NPSR1: variants seen among roughly 807,000 people sequenced by gnomAD.
NPSR1 encodes neuropeptide S receptor 1, also known as neuropeptide S receptor.
A neutral mutation model predicts 46.9 loss-of-function variants in NPSR1; 48 were observed. That is an observed-to-expected ratio of 1.02 (90% CI 0.81 to 1.30). The LOEUF is 1.30. NPSR1 is among the 50% of genes most tolerant of loss of function. NPSR1 has a pLI of 0.00. For synonymous variants in NPSR1, 176 were observed against 168.1 expected (o/e 1.05, Z -0.36); for missense variants, 450 against 449.5 (o/e 1.00, Z -0.01).
chr7:34,663,444 A>G (rs1469144597), intron 1 of NPSR1, among the ~76,000 whole-genome samples: 2 of 152,118 alleles, frequency 1.3e-5, no homozygotes, highest in Non-Finnish European at 2.9e-5. Flanking sequence ...CCACATAGCC[A>G]CCTACGCTAT....
rs556027659 is a variant in NPSR1 at position 34,849,762 on chromosome 7, G to A, written c.*107G>A. 2.4e-5 allele frequency: 37 copies of A among 1,550,726 alleles called. No homozygotes were observed. Among genetic ancestry groups the A allele is most frequent in the East Asian group, 9.1e-5 (4 of 43,948 alleles). On this transcript the variant is annotated 3_prime_UTR_variant, in exon 9 of 9. Transcript: ENST00000360581. ...CCCGAGCCAACTTCACCCCACCCTCGTCATTACCTGGGAGATGCACAAGAC... is the reference window on the plus strand; with the variant it reads ...CCCGAGCCAACTTCACCCCACCCTCATCATTACCTGGGAGATGCACAAGAC...
At chr7:34,749,155 C>A (rs926535442) in intron 2 of NPSR1, among the ~76,000 whole-genome samples, 5 of 152,154 alleles carry the variant, frequency 3.3e-5, no homozygotes, top group African/African-American at 1.2e-4. Flanking sequence ...ATGACCCAAA[C>A]AAAGCTGAGC....
chr7:34,847,175 C>T (rs1438616947), intron 7 of NPSR1, among the ~76,000 whole-genome samples: 3 of 152,118 alleles, frequency 2.0e-5, no homozygotes, highest in African/African-American at 7.2e-5. Flanking sequence ...TTCCAAAATT[C>T]CCAACAAGTT....
chr7:34,717,175 C>T (rs1246011050), intron 2 of NPSR1, among the ~76,000 whole-genome samples: 1 of 152,168 alleles, frequency 6.6e-6, no homozygotes, highest in Non-Finnish European at 1.5e-5. Context: ...TCTTGTTGCC[C>T]AGGCTGCAGT....
intron 2 of NPSR1, among the ~76,000 whole-genome samples, chr7:34,759,415 G>A (rs752633713): frequency 3.9e-5 from 6 of 152,000 alleles, no homozygotes; most frequent in Non-Finnish European, 8.8e-5. Context: ...GTTATAATTT[G>A]TTGCCATAGT....
intron 2 of NPSR1, chr7:34,710,999 T>C: frequency 5.7e-6 from 2 of 353,384 alleles, no homozygotes; most frequent in Non-Finnish European, 1.1e-5. Flanking sequence ...TGACCACTTC[T>C]ATGTACCTGC....
At chr7:34,790,842 T>TC in intron 3 of NPSR1, among the ~76,000 whole-genome samples, 1 of 131,512 alleles carries the variant, frequency 7.6e-6, no homozygotes, top group East Asian at 2.1e-4. Context: ...TTATGTTATA[T>TC]ATATGTTATA....
At chr7:34,776,817 G>C (rs1308885276) in intron 2 of NPSR1, among the ~76,000 whole-genome samples, 2 of 152,162 alleles carry the variant, frequency 1.3e-5, no homozygotes, top group Non-Finnish European at 2.9e-5. Context: ...CTTCAAGGCA[G>C]TAGTTTCCCT....
intron 8 of NPSR1, among the ~76,000 whole-genome samples, chr7:34,856,168 A>G (rs555720888): frequency 3.4e-5 from 5 of 148,768 alleles, no homozygotes; most frequent in Admixed American, 2.6e-4. Context: ...AACAAGAAAA[A>G]AAAATAAGAT....
At chr7:34,805,349 G>A (rs1188933789) in intron 3 of NPSR1, among the ~76,000 whole-genome samples, 1 of 151,720 alleles carries the variant, frequency 6.6e-6, no homozygotes, top group African/African-American at 2.4e-5. Context: ...TGATGAAACA[G>A]AACAGAGAGC....
intron 8 of NPSR1, among the ~76,000 whole-genome samples, chr7:34,866,401 T>C (rs891761228): frequency 1.3e-5 from 2 of 151,700 alleles, no homozygotes; most frequent in East Asian, 3.9e-4. Context: ...ATGCAAATGA[T>C]GAGAGGATAG....
intron 4 of NPSR1, among the ~76,000 whole-genome samples, chr7:34,822,131 C>T (rs898547226): frequency 6.6e-6 from 1 of 152,144 alleles, no homozygotes; most frequent in Non-Finnish European, 1.5e-5. Context: ...TGAACTGATA[C>T]TCACAAGTTT....
At position 34,845,105 on chromosome 7, in the gene NPSR1, AG is replaced by A; in HGVS notation, c.844+125del. The A allele has an allele frequency of 4.2e-6, 3 of 722,374 alleles. No individual in the cohort carries two copies. In the East Asian group the frequency reaches 7.9e-5, roughly 19 times the overall value. 44.7% of individuals were successfully genotyped at this position (722,374 alleles called of 1,614,324 possible). On this transcript the variant is annotated intron_variant, in intron 7 of 8. Coordinates refer to ENST00000360581, the MANE Select transcript of NPSR1 (RefSeq NM_207172.2). ...CACTTCTACATCGGTCTGCTTAGAAAGGAATGTGTGAAACTCATCAGCCCAT... is the reference window on the plus strand; with the variant it reads ...CACTTCTACATCGGTCTGCTTAGAAAGAATGTGTGAAACTCATCAGCCCAT...
At chr7:34,777,975 A>T (rs996505849) in intron 2 of NPSR1, among the ~76,000 whole-genome samples, 3 of 152,186 alleles carry the variant, frequency 2.0e-5, no homozygotes, top group African/African-American at 7.2e-5. Flanking sequence ...AAAGGAGAAG[A>T]AAGCAAAGAA....
chr7:34,700,266 T>C (rs1469630086), intron 2 of NPSR1, among the ~76,000 whole-genome samples: 1 of 152,176 alleles, frequency 6.6e-6, no homozygotes, highest in Non-Finnish European at 1.5e-5. Context: ...AAGCAAGATG[T>C]TCCCAGATGA....
chr7:34,659,863 G>A (rs1200227647), intron 1 of NPSR1, among the ~76,000 whole-genome samples: 1 of 152,198 alleles, frequency 6.6e-6, no homozygotes, highest in East Asian at 1.9e-4. Context: ...AGGAAGCACA[G>A]GACTCCACTC....
intron 8 of NPSR1, among the ~76,000 whole-genome samples, chr7:34,874,752 C>T (rs1430511705): frequency 6.6e-6 from 1 of 152,014 alleles, no homozygotes; most frequent in Non-Finnish European, 1.5e-5. Context: ...GCAAACTCTC[C>T]CTGCATGAGA....
At chr7:34,703,332 C>T (rs1264816155) in intron 2 of NPSR1, among the ~76,000 whole-genome samples, 2 of 152,156 alleles carry the variant, frequency 1.3e-5, no homozygotes, top group African/African-American at 4.8e-5. Context: ...GATCGCGCCA[C>T]TGCCCTCCAG....
intron 7 of NPSR1, among the ~76,000 whole-genome samples, chr7:34,847,566 G>T (rs13246028): frequency 0.33 from 50,136 of 151,756 alleles, 8,566 homozygotes; most frequent in Middle Eastern, 0.42. Context: ...GAATGGATGG[G>T]GTACATTTCA....
Sources: allele counts gnomAD v4.1 joint callset (sites outside exome capture counted in the v4.1 genomes callset), GRCh38; gene constraint gnomAD v4.1.1; transcripts MANE v1.5; gene names NCBI Gene and HGNC (gene_info 2026-07-23, HGNC 2026-07-21).